The following ERBB4 variants were observed in gnomAD, a reference collection of about 807,000 sequenced individuals.
ERBB4 encodes the protein receptor tyrosine-protein kinase erbB-4.
In ERBB4, 42 loss-of-function variants were observed where a neutral mutation model predicts 158.0. The ratio of observed to expected loss-of-function variants is 0.27; its 90% CI spans 0.21 to 0.34. The LOEUF (loss-of-function observed/expected upper bound fraction) is 0.34, where lower values mean the gene tolerates loss of function less well. Among genes scored for constraint, ERBB4 ranks in the 10% least tolerant of loss-of-function variants. ERBB4 has a pLI of 1.00. For synonymous variants in ERBB4, 583 were observed against 558.7 expected, an observed-to-expected ratio of 1.04 and a Z score of -0.61; for missense variants, 1,333 against 1,624.1, an observed-to-expected ratio of 0.82 and a Z score of 3.08.
intron 2 of ERBB4, among the ~76,000 whole-genome samples, chr2:211,994,575 G>GT (rs1179031947): frequency 1.3e-5 from 2 of 151,948 alleles, no homozygotes; most frequent in African/African-American, 4.8e-5. Context: ...TGGAGTTGTT[G>GT]TTTTTTTACT....
intron 20 of ERBB4, among the ~76,000 whole-genome samples, chr2:211,507,272 G>A (rs181751105): frequency 6.6e-6 from 1 of 152,148 alleles, no homozygotes; most frequent in Non-Finnish European, 1.5e-5. Flanking sequence ...GCTGAATTTT[G>A]TCAGACTTAC....
chr2:211,474,018 G>T (rs2064894330), intron 20 of ERBB4, among the ~76,000 whole-genome samples: 1 of 151,854 alleles, frequency 6.6e-6, no homozygotes, highest in African/African-American at 2.4e-5. Context: ...CCTTCTTTGA[G>T]GATTAAAAGG....
At chr2:211,645,590 T>C (rs1181469105) in intron 16 of ERBB4, among the ~76,000 whole-genome samples, 1 of 151,648 alleles carries the variant, frequency 6.6e-6, no homozygotes, top group African/African-American at 2.4e-5. Context: ...TATAACATGA[T>C]TAATGGCATC....
intron 1 of ERBB4, among the ~76,000 whole-genome samples, chr2:212,291,486 C>T (rs1227323381): frequency 6.6e-6 from 1 of 151,978 alleles, no homozygotes; most frequent in Non-Finnish European, 1.5e-5. Flanking sequence ...AAATTAGACC[C>T]ATTTGTGCAA....
At chr2:212,194,963 T>C (rs564581109) in intron 1 of ERBB4, among the ~76,000 whole-genome samples, 25 of 152,100 alleles carry the variant, frequency 1.6e-4, no homozygotes, top group Admixed American at 5.2e-4. Flanking sequence ...AATTGGTATA[T>C]ACTGAAGTTT....
At chr2:211,698,304 C>A (rs1291176900) in intron 12 of ERBB4, among the ~76,000 whole-genome samples, 2 of 138,676 alleles carry the variant, frequency 1.4e-5, no homozygotes, top group Non-Finnish European at 3.0e-5. Context: ...AAGAGTGAGA[C>A]TCCGTCTCAG....
At chr2:211,957,237 T>G (rs2081059068) in intron 2 of ERBB4, among the ~76,000 whole-genome samples, 1 of 152,028 alleles carries the variant, frequency 6.6e-6, no homozygotes, top group Non-Finnish European at 1.5e-5. Context: ...TTGAGGTTAT[T>G]AAGTCGGGCC....
chr2:211,960,073 T>C (rs984831378), intron 2 of ERBB4, among the ~76,000 whole-genome samples: 11 of 152,096 alleles, frequency 7.2e-5, no homozygotes, highest in African/African-American at 2.4e-4. Context: ...TTCTGAAAGG[T>C]TGTTAAGTGT....
intron 3 of ERBB4, among the ~76,000 whole-genome samples, chr2:211,832,549 CAATTA>C (rs774196453): frequency 2.0e-5 from 3 of 150,400 alleles, no homozygotes; most frequent in African/African-American, 4.9e-5. Flanking sequence ...CTTGAAATAA[CAATTA>C]AATAAATATA....
intron 1 of ERBB4, among the ~76,000 whole-genome samples, chr2:212,370,010 A>G (rs1376371482): frequency 6.6e-6 from 1 of 152,216 alleles, no homozygotes; most frequent in Non-Finnish European, 1.5e-5. Flanking sequence ...AGAGAGAAAT[A>G]GTAAATTAAT....
chr2:211,611,552 C>A (rs1056903090), intron 19 of ERBB4, among the ~76,000 whole-genome samples: 3 of 150,910 alleles, frequency 2.0e-5, no homozygotes, highest in Non-Finnish European at 4.4e-5. Flanking sequence ...CCCGTGAGAC[C>A]ACGAACCCTT....
chr2:212,455,479 T>A (rs1688244101), intron 1 of ERBB4, among the ~76,000 whole-genome samples: 1 of 152,146 alleles, frequency 6.6e-6, no homozygotes, highest in African/African-American at 2.4e-5. Flanking sequence ...GCCACATGGC[T>A]GTTGAGCATG....
intron 3 of ERBB4, among the ~76,000 whole-genome samples, chr2:211,925,522 C>T (rs1392341848): frequency 6.6e-6 from 1 of 150,936 alleles, no homozygotes; most frequent in African/African-American, 2.4e-5. Context: ...GCTGGGATTA[C>T]AGGCACCCGC....
intron 1 of ERBB4, among the ~76,000 whole-genome samples, chr2:212,334,373 C>G (rs1391081724): frequency 1.3e-5 from 2 of 151,908 alleles, no homozygotes; most frequent in African/African-American, 4.8e-5. Context: ...GATATATTCC[C>G]AGAGCAAGAA....
intron 2 of ERBB4, among the ~76,000 whole-genome samples, chr2:211,975,169 A>C (rs542971810): frequency 3.9e-5 from 6 of 152,234 alleles, no homozygotes; most frequent in Non-Finnish European, 7.4e-5. Flanking sequence ...TTTTGTAGAT[A>C]TGAGCTTTTG....
At chr2:212,355,015 T>G (rs1306348190) in intron 1 of ERBB4, among the ~76,000 whole-genome samples, 1 of 152,082 alleles carries the variant, frequency 6.6e-6, no homozygotes, top group African/African-American at 2.4e-5. Context: ...CCTTGATATT[T>G]AATTTAAATT....
chr2:212,434,597 T>C (rs958250317), intron 1 of ERBB4, among the ~76,000 whole-genome samples: 5 of 152,056 alleles, frequency 3.3e-5, no homozygotes, highest in African/African-American at 1.2e-4. Flanking sequence ...CACCCATTTA[T>C]ATACACACAG....
chr2:212,527,231 T>G (rs1213265987), intron 1 of ERBB4, among the ~76,000 whole-genome samples: 1 of 151,868 alleles, frequency 6.6e-6, no homozygotes, highest in Non-Finnish European at 1.5e-5. Context: ...TACTCATATT[T>G]AGAGAGAAAA....
intron 2 of ERBB4, among the ~76,000 whole-genome samples, chr2:212,123,586 A>C (rs549188588): frequency 5.9e-4 from 90 of 152,334 alleles, no homozygotes; most frequent in African/African-American, 2.1e-3. Context: ...AATCAAGTAG[A>C]GAATAAGGAA....
Sources: allele counts gnomAD v4.1 joint callset (sites outside exome capture counted in the v4.1 genomes callset), GRCh38; gene constraint gnomAD v4.1.1; transcripts MANE v1.5; gene names NCBI Gene and HGNC (gene_info 2026-07-23, HGNC 2026-07-21).